Variants in CELF2 observed in about 807,000 individuals in gnomAD.
CELF2 encodes CUGBP Elav-like family member 2, also known as CUG triplet repeat RNA-binding protein 2.
CELF2 carries 8 observed loss-of-function variants against 62.6 expected under a neutral mutation model. That is an observed-to-expected ratio of 0.13 (90% CI 0.07 to 0.23). The LOEUF (loss-of-function observed/expected upper bound fraction) is 0.23, where lower values mean the gene tolerates loss of function less well. CELF2 is among the 10% of genes least tolerant of loss of function. The probability of loss-of-function intolerance (pLI) is 1.00; values close to 1 mark genes in which losing one functional copy is unlikely to be tolerated. For synonymous variants in CELF2, 258 were observed against 250.0 expected (o/e 1.03, Z -0.30); for missense variants, 333 against 671.0 (o/e 0.50, Z 5.56).
In CELF2 at chr10:10,843,467, G is replaced by T. The variant is rs1000260734; in HGVS notation, c.53+44650G>T. Reference sequence around the variant, plus strand: ...CTAAGCACTGCTTTTGCTGCATGTCGCAAATTTTTCCAGCTATCTTTCTGT... The same window carrying T: ...CTAAGCACTGCTTTTGCTGCATGTCTCAAATTTTTCCAGCTATCTTTCTGT... On this transcript the variant is annotated intron_variant, in intron 1 of 13. Coordinates refer to the CELF2 transcript ENST00000636488. 2.6e-5 allele frequency among the ~76,000 whole-genome samples: 4 copies of T among 151,784 alleles called. No individual in the cohort carries two copies. The East Asian group carries it at 7.7e-4, about 29-fold the overall frequency.
rs2060614356 is a variant in CELF2 at position 11,207,120 on chromosome 10, G to T, written c.272-10305G>T. Among the ~76,000 whole-genome samples the T allele has an allele frequency of 1.3e-5, 2 of 152,244 alleles. No homozygotes were observed. Among genetic ancestry groups the T allele is most frequent in the South Asian group, 4.1e-4 (2 of 4,832 alleles). On this transcript the variant is annotated intron_variant, in intron 2 of 12. Transcript: ENST00000633077. The surrounding 1 kb of genome is among the most constrained non-coding windows in gnomAD (Gnocchi z 4.1). ...TTTGCCCTTGTTACCTTTTCTATCT[G>T]TGTCGTGCTTTGGTGGAATTTACAT...
the CELF2 span, among the ~76,000 whole-genome samples, chr10:10,674,945 A>G: frequency 6.6e-6 from 1 of 152,200 alleles, no homozygotes; most frequent in Non-Finnish European, 1.5e-5. Flanking sequence ...GCATACACAC[A>G]CAGAGGTATA....
chr10:10,907,015 C>A (rs2063405775), intron 1 of CELF2, among the ~76,000 whole-genome samples: 1 of 152,218 alleles, frequency 6.6e-6, no homozygotes, highest in East Asian at 1.9e-4. Flanking sequence ...CGAGAACGTA[C>A]CTTTCTAACA....
intron 1 of CELF2, among the ~76,000 whole-genome samples, chr10:10,902,474 G>A (rs985618608): frequency 4.6e-5 from 7 of 152,144 alleles, no homozygotes; most frequent in Non-Finnish European, 1.0e-4. Context: ...TAATTGTGCT[G>A]AGTAAAAGAC....
chr10:10,609,814 G>T, the CELF2 span, among the ~76,000 whole-genome samples: 2 of 152,148 alleles, frequency 1.3e-5, no homozygotes, highest in Non-Finnish European at 2.9e-5. Flanking sequence ...ATCTGCTAAC[G>T]TGCTAAAACA....
At chr10:10,686,849 A>G in the CELF2 span, among the ~76,000 whole-genome samples, 1 of 152,184 alleles carries the variant, frequency 6.6e-6, no homozygotes, top group Non-Finnish European at 1.5e-5. Context: ...TTTGCACTAC[A>G]AAAGGCTCAT....
chr10:11,003,066 T>G (rs1258046783), upstream of CELF2, among the ~76,000 whole-genome samples: 1 of 152,226 alleles, frequency 6.6e-6, no homozygotes, highest in Non-Finnish European at 1.5e-5. The surrounding 1 kb of genome is among the most constrained non-coding windows in gnomAD (Gnocchi z 4.4). Context: ...CCTTTCTTCC[T>G]ATTTACTCAT....
Position 11,309,163 on chromosome 10 carries a change from C to T in CELF2, c.977-4976C>T, listed in dbSNP as rs776655014. The stretch of plus-strand genomic sequence containing the variant: ...TCTGTTGTCTGCTGTCTGCTTTTTC[C>T]TGTGTACGGATTGCATGTTCTTGTT... On this transcript the variant is annotated intron_variant, in intron 9 of 12. Coordinates refer to ENST00000633077, the MANE Select transcript of CELF2 (RefSeq NM_001326342.2). The surrounding 1 kb of genome is among the most constrained non-coding windows in gnomAD (Gnocchi z 5.6). 2.0e-5 allele frequency among the ~76,000 whole-genome samples: 3 copies of T among 152,202 alleles called. No individual in the cohort carries two copies. Among genetic ancestry groups the T allele is most frequent in the Non-Finnish European group, 4.4e-5 (3 of 68,032 alleles).
At chr10:10,834,388 A>G (rs900316976) in intron 1 of CELF2, among the ~76,000 whole-genome samples, 1 of 152,130 alleles carries the variant, frequency 6.6e-6, no homozygotes, top group Non-Finnish European at 1.5e-5. Flanking sequence ...ATGATGAAAT[A>G]ATCTGTACAA....
At chr10:10,699,317 G>A in the CELF2 span, among the ~76,000 whole-genome samples, 1 of 152,136 alleles carries the variant, frequency 6.6e-6, no homozygotes, top group Non-Finnish European at 1.5e-5. Flanking sequence ...ATTCAATCAG[G>A]ATTTCAATAT....
chr10:11,039,240 C>T lies in CELF2; in HGVS notation c.74+21077C>T, dbSNP rs576255867. Among the ~76,000 whole-genome samples the T allele has an allele frequency of 1.2e-4, 19 of 152,310 alleles. No homozygotes were observed. In the South Asian group the frequency reaches 3.5e-3, roughly 28 times the overall value. On this transcript the variant is annotated intron_variant, in intron 1 of 12. Transcript: ENST00000633077. This position sits in a 1 kb window ranked among gnomAD's most constrained non-coding sequence, Gnocchi z 4.1. ...TGTATGGCACAGAGTGGGTCAAACA[C>T]ATCAGATGAGATAGGAAGAAAAGTG...
intron 1 of CELF2, among the ~76,000 whole-genome samples, chr10:10,841,293 G>T (rs529077931): frequency 4.6e-5 from 7 of 151,710 alleles, no homozygotes; most frequent in African/African-American, 1.7e-4. Flanking sequence ...AATTCTAAAA[G>T]GTCCAAATTG....
intron 1 of CELF2, among the ~76,000 whole-genome samples, chr10:10,864,607 G>A (rs2060241515): frequency 6.6e-6 from 1 of 152,072 alleles, no homozygotes; most frequent in African/African-American, 2.4e-5. Context: ...GGGTGGTTGG[G>A]GGAAGCGTTC....
intron 2 of CELF2, chr10:10,966,427 C>T (rs944820687): frequency 1.4e-4 from 22 of 152,286 alleles, no homozygotes; most frequent in African/African-American, 5.3e-4. Flanking sequence ...TCTTTTCTTG[C>T]TTCCGGAGTT....
At chr10:10,826,705 T>A (rs1260150100) in intron 1 of CELF2, among the ~76,000 whole-genome samples, 1 of 152,098 alleles carries the variant, frequency 6.6e-6, no homozygotes, top group Non-Finnish European at 1.5e-5. Context: ...ATAGATACAG[T>A]GAAAATGGAA....
At chr10:10,855,762 T>A (rs2059668600) in intron 1 of CELF2, among the ~76,000 whole-genome samples, 2 of 152,198 alleles carry the variant, frequency 1.3e-5, no homozygotes, top group Non-Finnish European at 2.9e-5. Flanking sequence ...GTAATCAGCA[T>A]TAATTCCAAC....
intron 1 of CELF2, among the ~76,000 whole-genome samples, chr10:10,855,128 G>T (rs1008461827): frequency 6.6e-6 from 1 of 152,186 alleles, no homozygotes; most frequent in Non-Finnish European, 1.5e-5. Context: ...TCCAGTCCCA[G>T]TGAGAATCTG....
the CELF2 span, among the ~76,000 whole-genome samples, chr10:10,578,103 A>G: frequency 4.6e-5 from 7 of 152,096 alleles, no homozygotes; most frequent in African/African-American, 1.7e-4. Flanking sequence ...CATTTCTCTG[A>G]TGGCCAGTGA....
intron 2 of CELF2, among the ~76,000 whole-genome samples, chr10:11,192,345 A>G (rs1215105505): frequency 6.6e-6 from 1 of 152,202 alleles, no homozygotes; most frequent in African/African-American, 2.4e-5. Context: ...TTCTAGTGAC[A>G]TTCAAGGGCA....
Sources: allele counts gnomAD v4.1 joint callset (sites outside exome capture counted in the v4.1 genomes callset), GRCh38; gene constraint gnomAD v4.1.1; non-coding constraint Gnocchi (gnomAD v3.1); transcripts MANE v1.5; gene names NCBI Gene and HGNC (gene_info 2026-07-23, HGNC 2026-07-21).